The following MDGA2 variants were observed in gnomAD, a reference collection of about 807,000 sequenced individuals.
MDGA2 encodes the protein MAM domain-containing glycosylphosphatidylinositol anchor protein 2.
In MDGA2, 40 loss-of-function variants were observed where a neutral mutation model predicts 117.8. The observed-to-expected ratio is 0.34, with a 90% CI of 0.26 to 0.44. The LOEUF is 0.44. Ranked by LOEUF, MDGA2 falls within the 20% of genes least tolerant of loss-of-function variation. The pLI is 1.00. For synonymous variants in MDGA2, 452 were observed against 439.0 expected (o/e 1.03, Z -0.37); for missense variants, 1,123 against 1,250.6 (o/e 0.90, Z 1.54).
At chr14:47,470,073 G>A (rs895725893) in intron 1 of MDGA2, among the ~76,000 whole-genome samples, 1 of 151,672 alleles carries the variant, frequency 6.6e-6, no homozygotes, top group African/African-American at 2.4e-5. Context: ...GAGGCTTCCT[G>A]TGGGATAGGG....
rs569435100 is a variant in MDGA2, at chr14:47,494,211, C to T, written c.280+180306G>A. 1.5e-3 allele frequency among the ~76,000 whole-genome samples: 225 copies of T among 152,270 alleles called. 1 individual carries two copies. The highest frequency in any genetic ancestry group is 5.3e-3 in the African/African-American group (219 of 41,554). On this transcript the variant is annotated intron_variant, in intron 1 of 16. Transcript: ENST00000399232. ...TAAACCTCTTTGCTTTATAAATTGC[C>T]CAGTCTTGGAAAGATCTTTATAGCA...
At chr14:46,975,517 G>C (rs988335057) in intron 8 of MDGA2, among the ~76,000 whole-genome samples, 1 of 151,966 alleles carries the variant, frequency 6.6e-6, no homozygotes, top group Non-Finnish European at 1.5e-5. Flanking sequence ...GCTTTTAAGG[G>C]GAATGAAATT....
At chr14:47,637,818 T>A (rs1487453852) in intron 1 of MDGA2, among the ~76,000 whole-genome samples, 1 of 152,240 alleles carries the variant, frequency 6.6e-6, no homozygotes, top group African/African-American at 2.4e-5. Flanking sequence ...ATTTCATTGT[T>A]CTTCTTGGAT....
intron 1 of MDGA2, among the ~76,000 whole-genome samples, chr14:47,424,189 G>A (rs1160263413): frequency 1.3e-5 from 2 of 152,144 alleles, no homozygotes; most frequent in African/African-American, 4.8e-5. Flanking sequence ...GGGATGCCCA[G>A]ACATGTGGAT....
intron 2 of MDGA2, among the ~76,000 whole-genome samples, chr14:47,291,234 G>T (rs1166809310): frequency 6.6e-6 from 1 of 152,168 alleles, no homozygotes; most frequent in Non-Finnish European, 1.5e-5. Context: ...ATGACTTGGA[G>T]AAATATTTTA....
intron 1 of MDGA2, among the ~76,000 whole-genome samples, chr14:47,498,018 T>C (rs1422960378): frequency 2.0e-5 from 3 of 152,194 alleles, no homozygotes; most frequent in Non-Finnish European, 4.4e-5. Context: ...AAATTCACTT[T>C]GTATGTTACT....
At chr14:47,098,413 A>T (rs747912513) in intron 5 of MDGA2, among the ~76,000 whole-genome samples, 17 of 151,840 alleles carry the variant, frequency 1.1e-4, no homozygotes, top group African/African-American at 2.2e-4. Flanking sequence ...GGGAATTTTT[A>T]AAATGTCATA....
intron 10 of MDGA2, among the ~76,000 whole-genome samples, chr14:46,889,557 A>C (rs2138413479): frequency 6.6e-6 from 1 of 152,208 alleles, no homozygotes; most frequent in Non-Finnish European, 1.5e-5. Flanking sequence ...TCTAGCATGC[A>C]TAGCATTTAT....
chr14:47,370,497 T>TTTTTTTTTTTTTTTTATTG (rs1555376841), intron 1 of MDGA2, among the ~76,000 whole-genome samples: 1 of 27,068 alleles, frequency 3.7e-5, no homozygotes, highest in South Asian at 1.9e-3. Flanking sequence ...TTTTTTTTTT[T>TTTTTTTTTTTTTTTTATTG]TGTGTGTGTG....
intron 8 of MDGA2, among the ~76,000 whole-genome samples, chr14:46,988,344 G>C (rs1179556253): frequency 6.6e-6 from 1 of 152,016 alleles, no homozygotes; most frequent in African/African-American, 2.4e-5. Context: ...AATCAAATAA[G>C]AGTAGCATAA....
At chr14:47,357,428 T>C (rs192114007) in intron 1 of MDGA2, among the ~76,000 whole-genome samples, 5 of 152,262 alleles carry the variant, frequency 3.3e-5, no homozygotes, top group Admixed American at 3.3e-4. Flanking sequence ...CAGTGTAGGG[T>C]TGGACAATCA....
Position 46,935,237 on chromosome 14 carries a change from G to T in MDGA2, c.2090-15077C>A, listed in dbSNP as rs180894365. On this transcript the variant is annotated intron_variant, in intron 9 of 16. Coordinates refer to ENST00000399232, the MANE Select transcript of MDGA2 (RefSeq NM_001113498.3). ...CCAATTCCTGAGATCAGCACAAATCGCCCATTTTGTAGTGAGTGCACCTTT... is the reference window on the plus strand; with the variant it reads ...CCAATTCCTGAGATCAGCACAAATCTCCCATTTTGTAGTGAGTGCACCTTT... Among the ~76,000 whole-genome samples, 805 of 152,058 alleles carry T rather than the reference G, an allele frequency of 5.3e-3. 13 individuals carry two copies. The highest frequency in any genetic ancestry group is 0.019 in the African/African-American group (779 of 41,506).
intron 1 of MDGA2, among the ~76,000 whole-genome samples, chr14:47,404,261 C>G (rs1892215570): frequency 6.6e-6 from 1 of 151,420 alleles, no homozygotes; most frequent in Non-Finnish European, 1.5e-5. Flanking sequence ...TCTCAGCTCA[C>G]TGCAACCTCC....
chr14:47,078,034 A>G (rs574736378), intron 6 of MDGA2, among the ~76,000 whole-genome samples: 2 of 152,242 alleles, frequency 1.3e-5, no homozygotes, highest in African/African-American at 4.8e-5. Flanking sequence ...AAGGAATTCT[A>G]ATACGTGAGG....
chr14:47,410,528 A>T (rs1197751028), intron 1 of MDGA2, among the ~76,000 whole-genome samples: 1 of 152,136 alleles, frequency 6.6e-6, no homozygotes, highest in Non-Finnish European at 1.5e-5. Flanking sequence ...GTGATTTCAG[A>T]CAACAAATGA....
At chr14:47,452,187 C>G (rs558261994) in intron 1 of MDGA2, among the ~76,000 whole-genome samples, 6 of 152,096 alleles carry the variant, frequency 3.9e-5, no homozygotes, top group East Asian at 1.9e-4. Flanking sequence ...CCCTCCCCCA[C>G]CACACAAACT....
chr14:46,949,141 G>A (rs989709948), intron 9 of MDGA2, among the ~76,000 whole-genome samples: 6 of 152,042 alleles, frequency 3.9e-5, no homozygotes, highest in African/African-American at 1.4e-4. Flanking sequence ...TTTACAGATA[G>A]AGGAAGCAAG....
At position 47,476,568 on chromosome 14, in the gene MDGA2, C is replaced by CT. The variant is rs926230295; in HGVS notation, c.281-175019dup. 6.0e-5 allele frequency among the ~76,000 whole-genome samples: 9 copies of CT among 150,844 alleles called. No homozygotes were observed. The East Asian group carries it at 1.6e-3, about 26-fold the overall frequency. On this transcript the variant is annotated intron_variant, in intron 1 of 16. Coordinates refer to ENST00000399232, the MANE Select transcript of MDGA2 (RefSeq NM_001113498.3). ...AAAATAGAAAACAAACACAGTGAAA[C>CT]TTTTTTTTTATGGATACATTTTATA...
chr14:46,944,847 TTTTC>T (rs201780448), intron 9 of MDGA2, among the ~76,000 whole-genome samples: 4,334 of 152,114 alleles, frequency 0.028, 87 homozygotes, highest in Non-Finnish European at 0.041. Flanking sequence ...AAATCTGCAT[TTTTC>T]TTTAATTATT....
Sources: gnomAD v4.1 joint callset for allele counts (sites outside exome capture counted in the v4.1 genomes callset) on GRCh38, gnomAD v4.1.1 for gene constraint, MANE v1.5 for transcripts, NCBI Gene and HGNC (gene_info 2026-07-23, HGNC 2026-07-21) for gene names.